Variants in TENM3 observed in about 807,000 individuals in gnomAD.
The protein encoded by TENM3 is teneurin transmembrane protein 3.
A neutral mutation model predicts 255.1 loss-of-function variants in TENM3; 63 were observed. The ratio of observed to expected loss-of-function variants is 0.25; its 90% CI spans 0.20 to 0.30. The LOEUF is 0.30. Ranked by LOEUF, TENM3 falls within the 10% of genes least tolerant of loss-of-function variation. The pLI is 1.00. For missense variants in TENM3, 2,929 were observed against 3,461.1 expected (o/e 0.85, Z 3.86); for synonymous variants, 1,306 against 1,322.3 (o/e 0.99, Z 0.27).
chr4:182,019,821 C>T, the TENM3 span, among the ~76,000 whole-genome samples: 1 of 152,020 alleles, frequency 6.6e-6, no homozygotes, highest in Non-Finnish European at 1.5e-5. Flanking sequence ...CATGACACCA[C>T]ATCCAGCTAA....
the TENM3 span, among the ~76,000 whole-genome samples, chr4:181,870,259 T>C: frequency 6.6e-6 from 1 of 152,204 alleles, no homozygotes; most frequent in African/African-American, 2.4e-5. Flanking sequence ...TTCCAAGTTT[T>C]AGATACTATG....
intron 6 of TENM3, among the ~76,000 whole-genome samples, chr4:182,656,850 A>G (rs184478437): frequency 6.6e-6 from 1 of 152,216 alleles, no homozygotes; most frequent in East Asian, 1.9e-4. Context: ...AATGGTATTT[A>G]GTATCTAAAA....
At chr4:182,031,824 G>A in the TENM3 span, among the ~76,000 whole-genome samples, 1 of 152,130 alleles carries the variant, frequency 6.6e-6, no homozygotes, top group Non-Finnish European at 1.5e-5. Context: ...ATTGTGCATA[G>A]GAGTTCATTT....
chr4:181,453,710 T>C, the TENM3 span, among the ~76,000 whole-genome samples: 2 of 152,098 alleles, frequency 1.3e-5, no homozygotes, highest in African/African-American at 2.4e-5. Context: ...CGCTGTTCTA[T>C]CCTGCATGGT....
the TENM3 span, among the ~76,000 whole-genome samples, chr4:182,104,141 A>T: frequency 6.6e-6 from 1 of 152,188 alleles, no homozygotes; most frequent in Admixed American, 6.5e-5. Flanking sequence ...TCAACCTGCC[A>T]AGGTGATGTC....
At chr4:181,746,376 A>C in the TENM3 span, among the ~76,000 whole-genome samples, 2 of 151,980 alleles carry the variant, frequency 1.3e-5, no homozygotes, top group African/African-American at 4.8e-5. Flanking sequence ...TGTCAGGAGT[A>C]ATGTTGGAAA....
At chr4:181,760,969 T>TACACACACACAC in the TENM3 span, among the ~76,000 whole-genome samples, 181 of 50,648 alleles carry the variant, frequency 3.6e-3, 1 homozygote, top group African/African-American at 0.012. Flanking sequence ...ACCACACACA[T>TACACACACACAC]ACACACACAC....
At chr4:182,746,075 A>G (rs1314701504) in intron 19 of TENM3, among the ~76,000 whole-genome samples, 2 of 152,196 alleles carry the variant, frequency 1.3e-5, no homozygotes, top group African/African-American at 4.8e-5. Context: ...CTGATCACTT[A>G]CCGTGTGTTA....
At chr4:182,267,255 T>C (rs971359929) in intron 1 of TENM3, among the ~76,000 whole-genome samples, 14 of 152,204 alleles carry the variant, frequency 9.2e-5, no homozygotes, top group African/African-American at 2.7e-4. Context: ...TTAAGGCATA[T>C]TTATTTCTCT....
chr4:182,092,259 T>A, the TENM3 span, among the ~76,000 whole-genome samples: 2 of 152,272 alleles, frequency 1.3e-5, no homozygotes, highest in Non-Finnish European at 2.9e-5. Context: ...GAGAATCACT[T>A]GAACCTGGGA....
At chr4:182,024,163 C>A in the TENM3 span, among the ~76,000 whole-genome samples, 1 of 151,956 alleles carries the variant, frequency 6.6e-6, no homozygotes, top group Non-Finnish European at 1.5e-5. Flanking sequence ...AATGCAAAAT[C>A]AAGAATTTGA....
the TENM3 span, among the ~76,000 whole-genome samples, chr4:181,647,334 T>C: frequency 6.6e-6 from 1 of 152,132 alleles, no homozygotes; most frequent in Non-Finnish European, 1.5e-5. Context: ...TCTATAAAGC[T>C]CCCAAAACAA....
rs1407896101 is a variant in TENM3 at position 182,347,023 on chromosome 4, TCCTC to T, written c.511+95_511+98del. 5.9e-6 allele frequency: 6 copies of T among 1,016,772 alleles called. No individual in the cohort carries two copies. The Admixed American group carries it at 1.7e-4, about 30-fold the overall frequency. 63.0% of individuals were successfully genotyped at this position (1,016,772 alleles called of 1,614,324 possible). ...GGGGGGATGTTTTTCTTTCTCTCCTTCCTCTCATCCTTCTTTCTCTCTCTTTCTT... is the reference window on the plus strand; with the variant it reads ...GGGGGGATGTTTTTCTTTCTCTCCTTTCATCCTTCTTTCTCTCTCTTTCTT... On this transcript the variant is annotated intron_variant, in intron 3 of 27. Coordinates refer to ENST00000511685, the MANE Select transcript of TENM3 (RefSeq NM_001080477.4).
At chr4:182,469,373 T>A (rs2151440589) in intron 3 of TENM3, among the ~76,000 whole-genome samples, 1 of 152,244 alleles carries the variant, frequency 6.6e-6, no homozygotes. Flanking sequence ...TAACTCTAGA[T>A]AGAGAAGGAC....
chr4:181,727,313 C>G, the TENM3 span, among the ~76,000 whole-genome samples: 1 of 152,266 alleles, frequency 6.6e-6, no homozygotes, highest in East Asian at 1.9e-4. Flanking sequence ...CTCAGGTGTG[C>G]TTGAAAGAGC....
intron 4 of TENM3, among the ~76,000 whole-genome samples, chr4:182,609,124 A>G (rs1161296087): frequency 6.6e-6 from 1 of 152,002 alleles, no homozygotes; most frequent in Non-Finnish European, 1.5e-5. Flanking sequence ...CTGGGAGGCT[A>G]CTCCATGATG....
chr4:181,897,753 A>G, the TENM3 span, among the ~76,000 whole-genome samples: 102 of 152,338 alleles, frequency 6.7e-4, no homozygotes, highest in Admixed American at 1.2e-3. Flanking sequence ...ATAGTGACAC[A>G]CTTGTGTAAA....
At chr4:182,115,424 T>C in the TENM3 span, among the ~76,000 whole-genome samples, 2 of 152,182 alleles carry the variant, frequency 1.3e-5, no homozygotes, top group African/African-American at 4.8e-5. Flanking sequence ...TCAATAATCA[T>C]TCTTTGGGTG....
At chr4:182,097,693 A>G in the TENM3 span, among the ~76,000 whole-genome samples, 1 of 152,216 alleles carries the variant, frequency 6.6e-6, no homozygotes, top group Non-Finnish European at 1.5e-5. Flanking sequence ...GAAAAGGCCC[A>G]AGGAGTATCT....
Sources: allele counts gnomAD v4.1 joint callset (sites outside exome capture counted in the v4.1 genomes callset), GRCh38; gene constraint gnomAD v4.1.1; transcripts MANE v1.5; gene names NCBI Gene and HGNC (gene_info 2026-07-23, HGNC 2026-07-21).